Variants in CADM2 observed in about 807,000 individuals in gnomAD.
CADM2 encodes the protein cell adhesion molecule 2, also known as immunoglobulin superfamily member 4D.
In CADM2, 12 loss-of-function variants were observed where a neutral mutation model predicts 49.8. The ratio of observed to expected loss-of-function variants is 0.24; its 90% CI spans 0.15 to 0.39. CADM2 has a LOEUF of 0.39. Ranked by LOEUF, CADM2 falls within the 10% of genes least tolerant of loss-of-function variation. CADM2 has a pLI of 1.00. For missense variants in CADM2, 378 were observed against 492.3 expected, an observed-to-expected ratio of 0.77 and a Z score of 2.20; for synonymous variants, 214 against 175.4, an observed-to-expected ratio of 1.22 and a Z score of -1.74.
At chr3:85,615,280 C>CAT (rs887262778) in intron 1 of CADM2, among the ~76,000 whole-genome samples, 2 of 151,802 alleles carry the variant, frequency 1.3e-5, no homozygotes, top group African/African-American at 4.8e-5. Context: ...GAAGGAAACA[C>CAT]ATAGTTCTCA....
chr3:85,173,172 A>T (rs2040679421), intron 1 of CADM2, among the ~76,000 whole-genome samples: 1 of 151,148 alleles, frequency 6.6e-6, no homozygotes, highest in South Asian at 2.1e-4. Flanking sequence ...TTTTTTGTCT[A>T]GTAACTATTT....
At chr3:85,329,851 A>C (rs9883528) in intron 1 of CADM2, among the ~76,000 whole-genome samples, 49,810 of 151,914 alleles carry the variant, frequency 0.33, 10,596 homozygotes, top group Non-Finnish European at 0.48. Flanking sequence ...TAAAAGTGAC[A>C]GTCACTTTTA....
At chr3:85,761,700 A>C (rs995179414) in intron 2 of CADM2, among the ~76,000 whole-genome samples, 1 of 152,158 alleles carries the variant, frequency 6.6e-6, no homozygotes, top group African/African-American at 2.4e-5. Context: ...ATAGATACTG[A>C]CTTTACACTA....
In CADM2 at chr3:86,072,431, AT is replaced by A. The variant is rs1703337249; in HGVS notation, c.*5652del. 1 of 151,754 alleles carries A rather than the reference AT, an allele frequency of 6.6e-6. No homozygotes were observed. The highest frequency in any genetic ancestry group is 2.1e-4 in the South Asian group (1 of 4,818). 9.4% of individuals were successfully genotyped at this position (151,754 alleles called of 1,614,324 possible). ...ACAAAAAAAACAAAAAAAAAACACT[AT>A]TTTCCCCTACGAAATATACTGTATA... is the stretch of plus-strand genomic sequence containing the variant. On this transcript the variant is annotated 3_prime_UTR_variant, in exon 10 of 10. Transcript: ENST00000383699.
intron 1 of CADM2, among the ~76,000 whole-genome samples, chr3:84,987,910 C>T (rs2032667576): frequency 6.6e-6 from 1 of 152,018 alleles, no homozygotes; most frequent in Non-Finnish European, 1.5e-5. Context: ...GCCCAGTTCT[C>T]CCCCTGCAGG....
At chr3:85,718,886 TTATTATTATTATTATTA>T (rs1559612002) in intron 1 of CADM2, among the ~76,000 whole-genome samples, 68 of 39,832 alleles carry the variant, frequency 1.7e-3, no homozygotes, top group African/African-American at 6.3e-3. Context: ...TGGTATTTTA[TTATTATTATTATTATTA>T]TTATTATTAT....
chr3:85,681,621 T>C (rs369752917), intron 1 of CADM2, among the ~76,000 whole-genome samples: 1 of 152,242 alleles, frequency 6.6e-6, no homozygotes, highest in African/African-American at 2.4e-5. Flanking sequence ...CATCTAAAAC[T>C]GTCTGCTTCA....
intron 1 of CADM2, among the ~76,000 whole-genome samples, chr3:85,002,859 C>T (rs2033534298): frequency 6.6e-6 from 1 of 152,078 alleles, no homozygotes; most frequent in Non-Finnish European, 1.5e-5. Flanking sequence ...GATCACAGCT[C>T]ACTATAGCCT....
intron 6 of CADM2, among the ~76,000 whole-genome samples, chr3:85,931,261 AAAAG>A (rs1720552578): frequency 6.6e-6 from 1 of 151,880 alleles, no homozygotes; most frequent in African/African-American, 2.4e-5. Flanking sequence ...TAAAGAGAGA[AAAAG>A]AAAGAGAGAG....
At chr3:85,897,876 G>A (rs1256424329) in intron 5 of CADM2, among the ~76,000 whole-genome samples, 4 of 152,072 alleles carry the variant, frequency 2.6e-5, no homozygotes, top group Non-Finnish European at 5.9e-5. Context: ...TGAGTTTAAA[G>A]TCCCTGCATC....
rs1014519089 is a variant in CADM2, at chr3:85,191,186, C to T, written c.61+231518C>T. 4.6e-5 allele frequency among the ~76,000 whole-genome samples: 7 copies of T among 151,904 alleles called. No individual in the cohort carries two copies. The South Asian group carries it at 6.2e-4, about 13-fold the overall frequency. On this transcript the variant is annotated intron_variant, in intron 1 of 9. Transcript: ENST00000383699. ...AGTTACATCCTCCTAACTATTCCCT[C>T]CTTCCTTACTATTTTATTTAAATAT...
chr3:85,619,523 T>C (rs2107482992), intron 1 of CADM2, among the ~76,000 whole-genome samples: 1 of 152,232 alleles, frequency 6.6e-6, no homozygotes, highest in South Asian at 2.1e-4. Context: ...TACATCACCT[T>C]CCACTTGCTA....
rs752550127 is a variant in CADM2 at position 85,897,241 on chromosome 3, C to CTTTT, written c.529+10950_529+10953dup. On this transcript the variant is annotated intron_variant, in intron 5 of 9. Coordinates refer to ENST00000383699, the MANE Select transcript of CADM2 (RefSeq NM_001167675.2). The stretch of plus-strand genomic sequence containing the variant: ...CAACAATAATTGCTTTAACCTACAT[C>CTTTT]TTTTTTTTTTTTTTTTTTTTTTTTT... Among the ~76,000 whole-genome samples, 75 of 45,924 alleles carry CTTTT rather than the reference C, an allele frequency of 1.6e-3. 23 individuals are homozygous for CTTTT. The highest frequency in any genetic ancestry group is 3.3e-3 in the Admixed American group (10 of 3,044). 30.1% of individuals were successfully genotyped at this position (45,924 alleles called of 152,430 possible). A position where few individuals can be genotyped will look rare whatever the true frequency, so the allele number is the denominator to read the frequency against.
chr3:85,883,199 A>T (rs1713067459), intron 3 of CADM2, 92 bp from the exon 4 acceptor site: 10 of 956,852 alleles, frequency 1.0e-5, no homozygotes, highest in Non-Finnish European at 1.0e-5. Context: ...GCCAAAGAAA[A>T]CATTTATTGT....
chr3:86,003,669 C>T (rs921602921), intron 8 of CADM2, among the ~76,000 whole-genome samples: 21 of 152,124 alleles, frequency 1.4e-4, no homozygotes, highest in African/African-American at 5.1e-4. Flanking sequence ...CTCACAGATA[C>T]AGATCCATGG....
At chr3:85,187,172 ATCT>A (rs1288877771) in intron 1 of CADM2, among the ~76,000 whole-genome samples, 1 of 152,156 alleles carries the variant, frequency 6.6e-6, no homozygotes, top group African/African-American at 2.4e-5. Context: ...AACCCAATTA[ATCT>A]TCTAAAAATG....
chr3:85,710,030 G>A (rs540220088), intron 1 of CADM2, among the ~76,000 whole-genome samples: 28 of 152,196 alleles, frequency 1.8e-4, no homozygotes, highest in Non-Finnish European at 2.8e-4. Context: ...ACAGCTCTCC[G>A]GAAATGGAAT....
chr3:86,008,333 C>T (rs1018870028), intron 8 of CADM2, among the ~76,000 whole-genome samples: 7 of 151,884 alleles, frequency 4.6e-5, no homozygotes, highest in East Asian at 1.9e-4. Context: ...AATAGGACAC[C>T]AAATCTTTAG....
At chr3:86,021,051 G>A (rs976247614) in intron 8 of CADM2, among the ~76,000 whole-genome samples, 1 of 152,154 alleles carries the variant, frequency 6.6e-6, no homozygotes, top group South Asian at 2.1e-4. Context: ...ACAGGCTGGA[G>A]TGCGGTGACG....
Sources: allele counts gnomAD v4.1 joint callset (sites outside exome capture counted in the v4.1 genomes callset), GRCh38; gene constraint gnomAD v4.1.1; transcripts MANE v1.5; gene names NCBI Gene and HGNC (gene_info 2026-07-23, HGNC 2026-07-21).